The following TACC1 variants were observed in gnomAD, a reference collection of about 807,000 sequenced individuals.
TACC1 encodes the protein transforming acidic coiled-coil containing protein 1.
TACC1 carries 48 observed loss-of-function variants against 84.4 expected under a neutral mutation model. The observed-to-expected ratio is 0.57, with a 90% CI of 0.45 to 0.72. TACC1 has a LOEUF of 0.72. TACC1 is among the 30% of genes least tolerant of loss of function. TACC1 has a pLI of 0.00. For missense variants in TACC1, 920 were observed against 973.0 expected (o/e 0.95, Z 0.72); for synonymous variants, 372 against 376.3 (o/e 0.99, Z 0.13).
In TACC1 at chr8:38,751,727, T is replaced by C. The variant is rs78654032; in HGVS notation, c.26+6234T>C. ...ATATAGTGTAAACATAACTTTTATA[T>C]GCACCGAGAAACCAAAAATTTTGTG... On this transcript the variant is annotated intron_variant, in intron 3 of 14. Transcript: ENST00000518415. 6.4e-4 allele frequency among the ~76,000 whole-genome samples: 98 copies of C among 152,328 alleles called. 2 individuals carry two copies. The Middle Eastern group carries it at 0.014, about 21-fold the overall frequency.
chr8:38,773,613 T>TCTAG (rs1433434882), intron 3 of TACC1, among the ~76,000 whole-genome samples: 36 of 151,220 alleles, frequency 2.4e-4, no homozygotes, highest in South Asian at 1.0e-3. Context: ...TAGCTATCTA[T>TCTAG]CTAGCTATCT....
intron 6 of TACC1, among the ~76,000 whole-genome samples, chr8:38,831,600 A>C (rs1829261613): frequency 6.6e-6 from 1 of 152,024 alleles, no homozygotes; most frequent in Admixed American, 6.5e-5. Flanking sequence ...GGCTCAAGTG[A>C]TCCTTCTACC....
rs1472072398 is a variant in TACC1, at chr8:38,851,009, G to A, written c.*2986G>A. 1.3e-5 allele frequency: 2 copies of A among 152,628 alleles called. No individual in the cohort carries two copies. Among genetic ancestry groups the A allele is most frequent in the Non-Finnish European group, 2.9e-5 (2 of 68,064 alleles). 9.5% of individuals were successfully genotyped at this position (152,628 alleles called of 1,614,324 possible). A position where few individuals can be genotyped will look rare whatever the true frequency, so the allele number is the denominator to read the frequency against. On this transcript the variant is annotated 3_prime_UTR_variant, in exon 13 of 13. Coordinates refer to ENST00000317827, the MANE Select transcript of TACC1 (RefSeq NM_006283.3). ...AATTCCCCCCGTGGCTGCCCAGATA[G>A]TCACAGTCAAGGTTGGAGAGTCTCC...
At chr8:38,829,914 C>A (rs1037143586) in intron 5 of TACC1, among the ~76,000 whole-genome samples, 2 of 152,078 alleles carry the variant, frequency 1.3e-5, no homozygotes, top group Non-Finnish European at 2.9e-5. Flanking sequence ...GTGAGTGTCC[C>A]CTTGAAGCTG....
At position 38,735,569 on chromosome 8, in the gene TACC1, G is replaced by A. The variant is rs568364411; in HGVS notation, c.-674-6782G>A. On this transcript the variant is annotated intron_variant, in intron 1 of 14. Coordinates refer to the TACC1 transcript ENST00000518415. ...CTGCTTCCATGGGCTGGTGGTGTCC[G>A]CTGACTGAAGGCCAGGACTCCTGTC... Among the ~76,000 whole-genome samples, 93 of 152,134 alleles carry A rather than the reference G, an allele frequency of 6.1e-4. 2 individuals carry two copies. In the South Asian group the frequency reaches 0.018, roughly 30 times the overall value.
intron 3 of TACC1, among the ~76,000 whole-genome samples, chr8:38,777,562 G>T (rs1165094362): frequency 1.3e-5 from 2 of 152,184 alleles, no homozygotes; most frequent in Non-Finnish European, 2.9e-5. Context: ...GGTGAGAATT[G>T]CTTGAGTCCA....
chr8:38,787,966 C>T (rs1817683661), intron 1 of TACC1: 1 of 520,310 alleles, frequency 1.9e-6, no homozygotes, highest in Non-Finnish European at 3.3e-6. Flanking sequence ...CCGCACCCAA[C>T]CCAGAATCTG....
At chr8:38,748,080 A>C (rs1808389319) in intron 3 of TACC1, among the ~76,000 whole-genome samples, 1 of 152,236 alleles carries the variant, frequency 6.6e-6, no homozygotes, top group Admixed American at 6.5e-5. Flanking sequence ...CATACTTTCA[A>C]TATAAAGACA....
At chr8:38,847,123 T>C (rs1297866323) in intron 12 of TACC1, among the ~76,000 whole-genome samples, 1 of 152,236 alleles carries the variant, frequency 6.6e-6, no homozygotes, top group Non-Finnish European at 1.5e-5. Context: ...TTGTTTTTTA[T>C]GCAATATATT....
At chr8:38,807,603 G>A in intron 2 of TACC1, among the ~76,000 whole-genome samples, 1 of 152,216 alleles carries the variant, frequency 6.6e-6, no homozygotes, top group South Asian at 2.1e-4. Flanking sequence ...AGTGGTTGCT[G>A]TTTTATCTCT....
chr8:38,758,205 G>A lies in TACC1; in HGVS notation c.26+12712G>A, dbSNP rs148456601. ...TCTTTATTTTAATTCAGCCCATGTC[G>A]AAGCTATTTAGTTTGAGAAAGATAC... On this transcript the variant is annotated intron_variant, in intron 3 of 14. Transcript: ENST00000518415. 2.0e-3 allele frequency among the ~76,000 whole-genome samples: 309 copies of A among 152,226 alleles called. 1 individual carries two copies. The highest frequency in any genetic ancestry group is 7.2e-3 in the African/African-American group (301 of 41,522).
In TACC1 at chr8:38,777,835, C is replaced by T. The variant is rs142891151; in HGVS notation, c.27-10869C>T. On this transcript the variant is annotated intron_variant, in intron 3 of 14. Coordinates refer to the TACC1 transcript ENST00000518415. ...AGACACTGCCCCAAATTTGCACTTA[C>T]CCCTTGTGCTCACATCCCATGGGTG... Among the ~76,000 whole-genome samples, 121 of 152,318 alleles carry T rather than the reference C, an allele frequency of 7.9e-4. 1 individual carries two copies. Among genetic ancestry groups the T allele is most frequent in the South Asian group, 1.7e-3 (8 of 4,824 alleles).
chr8:38,819,401 A>C, intron 2 of TACC1, 121 bp from the exon 3 acceptor site: 1 of 1,147,232 alleles, frequency 8.7e-7, no homozygotes. Context: ...TGAACTTTAG[A>C]GATGCTTAAT....
chr8:38,734,606 G>T (rs1412578233), intron 1 of TACC1, among the ~76,000 whole-genome samples: 1 of 152,218 alleles, frequency 6.6e-6, no homozygotes, highest in Non-Finnish European at 1.5e-5. Context: ...GGAGGGCTTG[G>T]TATGTTTATT....
At chr8:38,741,532 C>T (rs1404895110) in intron 1 of TACC1, among the ~76,000 whole-genome samples, 1 of 152,154 alleles carries the variant, frequency 6.6e-6, no homozygotes, top group Non-Finnish European at 1.5e-5. Flanking sequence ...AAAGAGCTTC[C>T]TTGAACCCTG....
At chr8:38,739,481 G>A (rs1028106123) in intron 1 of TACC1, among the ~76,000 whole-genome samples, 3 of 151,972 alleles carry the variant, frequency 2.0e-5, no homozygotes, top group Non-Finnish European at 4.4e-5. Flanking sequence ...TCGTCTTAAC[G>A]GACTCCACTC....
chr8:38,840,325 T>C (rs750173360), intron 9 of TACC1, 58 bp downstream of exon 9: 17 of 1,488,290 alleles, frequency 1.1e-5, no homozygotes, highest in Admixed American at 5.2e-5. Flanking sequence ...CTTAGTCTGT[T>C]CAGCCTGGTA....
intron 2 of TACC1, among the ~76,000 whole-genome samples, chr8:38,808,910 C>T (rs1823398857): frequency 6.6e-6 from 1 of 152,028 alleles, no homozygotes; most frequent in Non-Finnish European, 1.5e-5. Flanking sequence ...CACCCACCGC[C>T]TCTGCTTGTT....
intron 3 of TACC1, among the ~76,000 whole-genome samples, chr8:38,772,201 C>T (rs11777089): frequency 0.2 from 30,357 of 152,142 alleles, 3,578 homozygotes; most frequent in Non-Finnish European, 0.27. Flanking sequence ...AAAGATTGAC[C>T]GAACTCAGTA....
Sources: gnomAD v4.1 joint callset for allele counts (sites outside exome capture counted in the v4.1 genomes callset) on GRCh38, gnomAD v4.1.1 for gene constraint, MANE v1.5 for transcripts, NCBI Gene and HGNC (gene_info 2026-07-23, HGNC 2026-07-21) for gene names.